CADM1: variants seen among roughly 807,000 people sequenced by gnomAD.
CADM1 encodes cell adhesion molecule 1.
CADM1 carries 15 observed loss-of-function variants against 53.1 expected under a neutral mutation model. The ratio of observed to expected loss-of-function variants is 0.28; its 90% CI spans 0.19 to 0.44. CADM1 has a LOEUF of 0.44. CADM1 is among the 20% of genes least tolerant of loss of function. CADM1 has a pLI of 1.00. For synonymous variants in CADM1, 281 were observed against 243.0 expected, an observed-to-expected ratio of 1.16 and a Z score of -1.45; for missense variants, 434 against 611.3, an observed-to-expected ratio of 0.71 and a Z score of 3.06.
intron 1 of CADM1, among the ~76,000 whole-genome samples, chr11:115,376,870 C>T (rs985283472): frequency 1.3e-5 from 2 of 152,146 alleles, no homozygotes; most frequent in African/African-American, 4.8e-5. Context: ...CATAGCTTCT[C>T]AGAGCCCACA....
intron 1 of CADM1, among the ~76,000 whole-genome samples, chr11:115,352,962 T>C (rs923536183): frequency 6.6e-6 from 1 of 152,214 alleles, no homozygotes; most frequent in Non-Finnish European, 1.5e-5. Context: ...GTCTTTGCTA[T>C]TGTGAATAGT....
chr11:115,354,209 G>T (rs1945806371), intron 1 of CADM1, among the ~76,000 whole-genome samples: 1 of 152,046 alleles, frequency 6.6e-6, no homozygotes, highest in East Asian at 1.9e-4. Flanking sequence ...ATTTACTAAG[G>T]ACCTACTATG....
At chr11:115,435,954 G>A (rs891807320) in intron 1 of CADM1, among the ~76,000 whole-genome samples, 3 of 152,140 alleles carry the variant, frequency 2.0e-5, no homozygotes, top group South Asian at 2.1e-4. Context: ...AGCACACGAC[G>A]GTAAACATCT....
chr11:115,334,904 A>C (rs10891832), intron 1 of CADM1, among the ~76,000 whole-genome samples: 104,218 of 152,010 alleles, frequency 0.69, 36,843 homozygotes, highest in East Asian at 0.89. Flanking sequence ...ATATGCATTT[A>C]ATTAACTGTT....
intron 1 of CADM1, among the ~76,000 whole-genome samples, chr11:115,458,033 G>A (rs1948715960): frequency 6.6e-6 from 1 of 152,036 alleles, no homozygotes; most frequent in Non-Finnish European, 1.5e-5. Flanking sequence ...GGCGTTTACA[G>A]AAAATATTTA....
chr11:115,231,092 TAC>T (rs1161044172), intron 4 of CADM1, among the ~76,000 whole-genome samples: 1 of 152,206 alleles, frequency 6.6e-6, no homozygotes, highest in Non-Finnish European at 1.5e-5. Context: ...AGTTCTAGTT[TAC>T]AGTTTTAGTT....
intron 1 of CADM1, among the ~76,000 whole-genome samples, chr11:115,294,812 A>G (rs1944005735): frequency 6.6e-6 from 1 of 152,132 alleles, no homozygotes; most frequent in Non-Finnish European, 1.5e-5. Context: ...AGGTGGGTGG[A>G]TCATCTGATG....
intron 1 of CADM1, among the ~76,000 whole-genome samples, chr11:115,387,515 C>T (rs1251196602): frequency 1.3e-5 from 2 of 152,082 alleles, no homozygotes; most frequent in East Asian, 1.9e-4. Context: ...ACTATCTACC[C>T]TATTCTAAGA....
chr11:115,179,409 C>T (rs967210571), intron 10 of CADM1, among the ~76,000 whole-genome samples: 10 of 123,152 alleles, frequency 8.1e-5, no homozygotes, highest in Non-Finnish European at 1.2e-4. Context: ...TTGCCACCAA[C>T]GGTTTTTATT....
intron 1 of CADM1, among the ~76,000 whole-genome samples, chr11:115,292,020 T>C (rs1281644921): frequency 2.6e-5 from 4 of 152,036 alleles, no homozygotes; most frequent in East Asian, 1.9e-4. Flanking sequence ...GAAAACACAA[T>C]TGGGAGAATT....
intron 1 of CADM1, among the ~76,000 whole-genome samples, chr11:115,301,159 G>C (rs1944211222): frequency 6.6e-6 from 1 of 152,058 alleles, no homozygotes; most frequent in Admixed American, 6.6e-5. Flanking sequence ...ATGGATGAAA[G>C]ATTGTGGTTA....
At chr11:115,216,430 T>C (rs935229182) in intron 6 of CADM1, among the ~76,000 whole-genome samples, 1 of 152,236 alleles carries the variant, frequency 6.6e-6, no homozygotes, top group South Asian at 2.1e-4. Context: ...GTGGTTAATG[T>C]GGCCGAGCAC....
chr11:115,271,309 G>C (rs1458186906), intron 1 of CADM1, among the ~76,000 whole-genome samples: 1 of 152,082 alleles, frequency 6.6e-6, no homozygotes, highest in Non-Finnish European at 1.5e-5. Flanking sequence ...TTGAGACAGA[G>C]TGTCACTCTG....
chr11:115,482,293 G>A (rs1949274557), intron 1 of CADM1, among the ~76,000 whole-genome samples: 1 of 152,042 alleles, frequency 6.6e-6, no homozygotes, highest in Non-Finnish European at 1.5e-5. Context: ...ATCTATTATG[G>A]TTCTTGGCAC....
chr11:115,238,411 G>T, intron 3 of CADM1, 89 bp downstream of exon 3: 2 of 1,380,280 alleles, frequency 1.4e-6, no homozygotes, highest in Admixed American at 1.7e-5. Context: ...AGTTTGAACA[G>T]GAGAATTCAC....
At chr11:115,267,286 C>T (rs1415685744) in intron 1 of CADM1, among the ~76,000 whole-genome samples, 1 of 152,244 alleles carries the variant, frequency 6.6e-6, no homozygotes, top group Non-Finnish European at 1.5e-5. Flanking sequence ...ATAGCTCAGA[C>T]AAACTTTCGA....
chr11:115,339,008 T>C (rs938554790), intron 1 of CADM1, among the ~76,000 whole-genome samples: 4 of 145,340 alleles, frequency 2.8e-5, no homozygotes, highest in African/African-American at 7.5e-5. Context: ...ACGTGTCATC[T>C]AGCATTAGGT....
intron 1 of CADM1, among the ~76,000 whole-genome samples, chr11:115,250,096 G>T (rs1388601212): frequency 1.3e-5 from 2 of 152,234 alleles, no homozygotes; most frequent in East Asian, 3.9e-4. Context: ...GTAGAGATGA[G>T]GTTTCACTGT....
At chr11:115,488,236 C>G (rs1242778407) in intron 1 of CADM1, among the ~76,000 whole-genome samples, 1 of 152,078 alleles carries the variant, frequency 6.6e-6, no homozygotes, top group Non-Finnish European at 1.5e-5. Context: ...CTCCATAATT[C>G]AAAGCATTTA....
Sources: allele counts gnomAD v4.1 joint callset (sites outside exome capture counted in the v4.1 genomes callset), GRCh38; gene constraint gnomAD v4.1.1; transcripts MANE v1.5; gene names NCBI Gene and HGNC (gene_info 2026-07-23, HGNC 2026-07-21).